PDZRN4: variants seen among roughly 807,000 people sequenced by gnomAD.
PDZRN4 encodes the protein PDZ domain-containing RING finger protein 4.
In PDZRN4, 70 loss-of-function variants were observed where a neutral mutation model predicts 99.0. The observed-to-expected ratio is 0.71, with a 90% CI of 0.58 to 0.86. PDZRN4 has a LOEUF of 0.86. Among genes scored for constraint, PDZRN4 ranks in the 40% least tolerant of loss-of-function variants. The probability of loss-of-function intolerance (pLI) is 0.00; values close to 1 mark genes in which losing one functional copy is unlikely to be tolerated. For missense variants in PDZRN4, 1,474 were observed against 1,331.2 expected (o/e 1.11, Z -1.67); for synonymous variants, 551 against 501.6 (o/e 1.10, Z -1.32).
At chr12:41,530,892 TG>T (rs1342536736) in intron 5 of PDZRN4, among the ~76,000 whole-genome samples, 1 of 152,046 alleles carries the variant, frequency 6.6e-6, no homozygotes, top group African/African-American at 2.4e-5. Flanking sequence ...GAGAGTGCAA[TG>T]GGGGTGTGGC....
At chr12:41,191,804 A>AG (rs1479282183) in intron 2 of PDZRN4, among the ~76,000 whole-genome samples, 25 of 150,578 alleles carry the variant, frequency 1.7e-4, no homozygotes, top group Non-Finnish European at 1.9e-4. Flanking sequence ...TTTGTTTGAG[A>AG]CAGAGTCTTG....
chr12:41,367,269 G>C (rs1198552557), intron 3 of PDZRN4, among the ~76,000 whole-genome samples: 1 of 152,082 alleles, frequency 6.6e-6, no homozygotes, highest in Non-Finnish European at 1.5e-5. Flanking sequence ...CAGCACTTTG[G>C]GAGGCCGAGG....
At chr12:41,373,286 G>A (rs10880066) in intron 3 of PDZRN4, among the ~76,000 whole-genome samples, 2,800 of 152,212 alleles carry the variant, frequency 0.018, 76 homozygotes, top group East Asian at 0.091. Flanking sequence ...GGGTTTGAGC[G>A]CAGACAGCCA....
chr12:41,523,712 G>A (rs1011937481), intron 5 of PDZRN4, among the ~76,000 whole-genome samples: 1 of 152,072 alleles, frequency 6.6e-6, no homozygotes, highest in African/African-American at 2.4e-5. Flanking sequence ...TGAAATTCCA[G>A]TATGGGACAA....
intron 3 of PDZRN4, among the ~76,000 whole-genome samples, chr12:41,373,666 T>C (rs945198013): frequency 1.3e-5 from 2 of 152,062 alleles, no homozygotes; most frequent in African/African-American, 4.8e-5. Flanking sequence ...TACAAACAAT[T>C]TGTGCAGTTA....
chr12:41,253,523 C>A (rs950673543), intron 3 of PDZRN4, among the ~76,000 whole-genome samples: 7 of 152,136 alleles, frequency 4.6e-5, no homozygotes, highest in Admixed American at 4.6e-4. Context: ...GAAAGGGGAA[C>A]CCCCATTACT....
At position 41,263,507 on chromosome 12, in the gene PDZRN4, T is replaced by A. The variant is rs562767531; in HGVS notation, c.843+69319T>A. ...TTCAGGAACAGCCTGACCAACATGGTGAAACCCTGTCTCCACTAAAAATAC... is the reference window on the plus strand; with the variant it reads ...TTCAGGAACAGCCTGACCAACATGGAGAAACCCTGTCTCCACTAAAAATAC... On this transcript the variant is annotated intron_variant, in intron 3 of 9. Transcript: ENST00000402685. 3.3e-5 allele frequency among the ~76,000 whole-genome samples: 5 copies of A among 152,216 alleles called. No individual in the cohort carries two copies. The East Asian group carries it at 9.7e-4, about 29-fold the overall frequency.
chr12:41,515,397 T>G (rs987610038), intron 5 of PDZRN4, among the ~76,000 whole-genome samples: 4 of 152,038 alleles, frequency 2.6e-5, no homozygotes, highest in Non-Finnish European at 5.9e-5. Context: ...GCTAAAATAA[T>G]TTTATATCAC....
At chr12:41,549,323 T>C (rs1939014731) in intron 5 of PDZRN4, among the ~76,000 whole-genome samples, 1 of 152,190 alleles carries the variant, frequency 6.6e-6, no homozygotes, top group Non-Finnish European at 1.5e-5. Context: ...GTGAAGGGAA[T>C]ACTTAATTAA....
At chr12:41,435,159 G>A (rs935960002) in intron 3 of PDZRN4, among the ~76,000 whole-genome samples, 1 of 152,142 alleles carries the variant, frequency 6.6e-6, no homozygotes, top group Non-Finnish European at 1.5e-5. Context: ...AGAGGGATTA[G>A]GAATGAATAA....
chr12:41,506,141 T>C (rs1048069326), intron 3 of PDZRN4, among the ~76,000 whole-genome samples: 1 of 152,118 alleles, frequency 6.6e-6, no homozygotes, highest in African/African-American at 2.4e-5. Context: ...TTTCTAACTA[T>C]CTGAAGACTT....
chr12:41,421,661 C>G (rs1333645907), intron 3 of PDZRN4, among the ~76,000 whole-genome samples: 1 of 152,172 alleles, frequency 6.6e-6, no homozygotes, highest in East Asian at 1.9e-4. Flanking sequence ...GGATTCCACA[C>G]TTTGCGCCAG....
chr12:41,213,404 C>G (rs1165223778), intron 3 of PDZRN4, among the ~76,000 whole-genome samples: 2 of 152,066 alleles, frequency 1.3e-5, no homozygotes, highest in African/African-American at 2.4e-5. Context: ...TCGTAAGCAA[C>G]AGGCATCCTC....
intron 3 of PDZRN4, among the ~76,000 whole-genome samples, chr12:41,242,698 C>T (rs1951108713): frequency 6.6e-6 from 1 of 152,138 alleles, no homozygotes; most frequent in South Asian, 2.1e-4. Flanking sequence ...ATTGCCCAGG[C>T]TGGCTTCGAT....
Position 41,375,258 on chromosome 12 carries a change from G to T in PDZRN4, c.844-131198G>T, listed in dbSNP as rs115995641. Reference sequence around the variant, plus strand: ...GAAACTATACAAGATAGTGTGAATTGTTTTAACCTATCAAGTTTCAGGGTA... The same window carrying T: ...GAAACTATACAAGATAGTGTGAATTTTTTTAACCTATCAAGTTTCAGGGTA... On this transcript the variant is annotated intron_variant, in intron 3 of 9. Transcript: ENST00000402685. Among the ~76,000 whole-genome samples, 906 of 152,236 alleles carry T rather than the reference G, an allele frequency of 6.0e-3. 11 individuals carry two copies. The highest frequency in any genetic ancestry group is 0.021 in the African/African-American group (863 of 41,540).
chr12:41,426,885 C>T (rs926713857), intron 3 of PDZRN4, among the ~76,000 whole-genome samples: 1 of 152,176 alleles, frequency 6.6e-6, no homozygotes, highest in African/African-American at 2.4e-5. Flanking sequence ...TGCATATTCC[C>T]AGGCCCATCT....
chr12:41,286,930 G>C (rs904773040), intron 3 of PDZRN4, among the ~76,000 whole-genome samples: 3 of 151,968 alleles, frequency 2.0e-5, no homozygotes, highest in African/African-American at 2.4e-5. Context: ...TGTTACCTAG[G>C]CTTGGAAGTG....
chr12:41,473,355 C>CAGG (rs1953011281), intron 3 of PDZRN4: 1 of 152,112 alleles, frequency 6.6e-6, no homozygotes, highest in African/African-American at 2.4e-5. Flanking sequence ...CCATAACAAA[C>CAGG]CATACATACC....
At chr12:41,535,637 T>C (rs1234148677) in intron 5 of PDZRN4, among the ~76,000 whole-genome samples, 1 of 152,208 alleles carries the variant, frequency 6.6e-6, no homozygotes, top group Admixed American at 6.5e-5. Flanking sequence ...TGAGAGGCTA[T>C]TGGACCATGA....
Sources: gnomAD v4.1 joint callset for allele counts (sites outside exome capture counted in the v4.1 genomes callset) on GRCh38, gnomAD v4.1.1 for gene constraint, MANE v1.5 for transcripts, NCBI Gene and HGNC (gene_info 2026-07-23, HGNC 2026-07-21) for gene names.